Variants in SNRK observed in about 807,000 individuals in gnomAD.
SNRK encodes the protein SNF-related serine/threonine-protein kinase.
Under a neutral mutation model 48.2 loss-of-function variants are expected in SNRK, and 3 were observed. That is an observed-to-expected ratio of 0.06 (90% CI 0.03 to 0.16). The LOEUF (loss-of-function observed/expected upper bound fraction) is 0.16, where lower values mean the gene tolerates loss of function less well. SNRK is among the 10% of genes least tolerant of loss of function. The probability of loss-of-function intolerance (pLI) is 1.00; values close to 1 mark genes in which losing one functional copy is unlikely to be tolerated. For synonymous variants in SNRK, 376 were observed against 366.1 expected, an observed-to-expected ratio of 1.03 and a Z score of -0.31; for missense variants, 627 against 976.0, an observed-to-expected ratio of 0.64 and a Z score of 4.76.
chr3:43,311,581 A>G (rs934547620), intron 3 of SNRK, among the ~76,000 whole-genome samples: 10 of 152,324 alleles, frequency 6.6e-5, no homozygotes, highest in Non-Finnish European at 1.5e-4. Context: ...CTCTCATTGC[A>G]GTCTGTGGAA....
At chr3:43,288,848 A>G (rs890328170) in intron 1 of SNRK, among the ~76,000 whole-genome samples, 3 of 152,246 alleles carry the variant, frequency 2.0e-5, no homozygotes, top group Non-Finnish European at 4.4e-5. Context: ...ATGCTTTAGT[A>G]AGAAAACTGT....
Position 43,347,997 on chromosome 3 carries a change from G to T in SNRK, c.1738G>T (p.Gly580Cys). The T allele has an allele frequency of 2.5e-6, 4 of 1,613,618 alleles. No homozygotes were observed. Among genetic ancestry groups the T allele is most frequent in the Non-Finnish European group, 3.4e-6 (4 of 1,179,798 alleles). ...SEGPPGSEGD[G>C]GGQSKPSNAS... ...GGGGCCCCCTGGCAGTGAGGGGGATGGCGGGGGCCAGAGCAAGCCAAGCAA... is the reference window on the plus strand; with the variant it reads ...GGGGCCCCCTGGCAGTGAGGGGGATTGCGGGGGCCAGAGCAAGCCAAGCAA... Residue 580 changes from glycine to cysteine, a missense_variant, in exon 7 of 7, where the codon GGC becomes TGC. By Grantham distance (159) the Gly-to-Cys change is radical. Around this residue, in one of 4 missense-constraint regions of SNRK, gnomAD observed 98 missense variants for 175.2 expected, o/e 0.56. Transcript: ENST00000296088. The surrounding 1 kb of genome is among the most constrained non-coding windows in gnomAD (Gnocchi z 5.4).
chr3:43,332,118 T>G, intron 3 of SNRK, 51 bp from the exon 4 acceptor site: 1 of 1,327,632 alleles, frequency 7.5e-7, no homozygotes, highest in South Asian at 2.0e-5. Flanking sequence ...CTTTTAATGT[T>G]TTTGGTTTTC....
intron 3 of SNRK, among the ~76,000 whole-genome samples, chr3:43,306,572 ATTTT>A (rs140156056): frequency 0.024 from 3,575 of 151,666 alleles, 145 homozygotes; most frequent in African/African-American, 0.081. Context: ...GAGGTTTCCT[ATTTT>A]TTAATAGCAT....
intron 3 of SNRK, among the ~76,000 whole-genome samples, chr3:43,321,145 AC>A (rs1284078543): frequency 1.3e-5 from 2 of 152,260 alleles, no homozygotes; most frequent in South Asian, 2.1e-4. Context: ...TCTTGGGTTT[AC>A]CATCTAGCTT....
intron 3 of SNRK, among the ~76,000 whole-genome samples, chr3:43,331,036 A>G (rs577607555): frequency 6.6e-6 from 1 of 152,364 alleles, no homozygotes; most frequent in South Asian, 2.1e-4. Context: ...ATCTTGGGAA[A>G]TAACATGGAA....
At chr3:43,309,758 A>G (rs2090965606) in intron 3 of SNRK, among the ~76,000 whole-genome samples, 1 of 152,118 alleles carries the variant, frequency 6.6e-6, no homozygotes, top group Admixed American at 6.6e-5. Flanking sequence ...TTGGGACTAC[A>G]GGCGTGCACC....
intron 3 of SNRK, among the ~76,000 whole-genome samples, chr3:43,317,990 T>A (rs1456248127): frequency 6.6e-6 from 1 of 152,246 alleles, no homozygotes; most frequent in Non-Finnish European, 1.5e-5. Context: ...GATGTCACTG[T>A]CTCAGTGCTG....
In SNRK at chr3:43,335,043, A is replaced by T. The variant is rs2091176170; in HGVS notation, c.731+2733A>T. Among the ~76,000 whole-genome samples the T allele has an allele frequency of 3.3e-5, 5 of 152,066 alleles. No homozygotes were observed. In the South Asian group the frequency reaches 1.0e-3, roughly 32 times the overall value. ...TTATTTTATTAGTCTTTTTCTAAGA[A>T]CTACCTTTTGCTTTTATTAACAATT... On this transcript the variant is annotated intron_variant, in intron 4 of 6. Transcript: ENST00000296088.
intron 3 of SNRK, among the ~76,000 whole-genome samples, chr3:43,324,836 T>A (rs1215661754): frequency 6.6e-6 from 1 of 152,246 alleles, no homozygotes; most frequent in Non-Finnish European, 1.5e-5. Context: ...GCTAATATTT[T>A]GAATTTTGAA....
At chr3:43,340,542 T>A (rs758586710) in intron 5 of SNRK, 43 bp downstream of exon 5, 14 of 1,551,170 alleles carry the variant, frequency 9.0e-6, no homozygotes. Context: ...AGGTTTAGGA[T>A]TCTTGGAATG....
At chr3:43,326,758 G>A in intron 3 of SNRK, among the ~76,000 whole-genome samples, 1 of 151,962 alleles carries the variant, frequency 6.6e-6, no homozygotes, top group South Asian at 2.1e-4. Flanking sequence ...TAAACTTGGG[G>A]GAAAAAAATG....
At chr3:43,343,625 C>T (rs2091254013) in intron 6 of SNRK, 147 bp downstream of exon 6, 2 of 871,286 alleles carry the variant, frequency 2.3e-6, no homozygotes, top group Non-Finnish European at 3.4e-6. Flanking sequence ...CACACGGGCT[C>T]TTCAGGTGTA....
chr3:43,333,252 A>C (rs1235281654), intron 4 of SNRK: 2 of 149,532 alleles, frequency 1.3e-5, no homozygotes, highest in African/African-American at 4.9e-5. Context: ...CCAGCTACTC[A>C]GGAGGCTGAG....
chr3:43,289,226 C>A (rs1423351539), intron 1 of SNRK, among the ~76,000 whole-genome samples: 3 of 152,072 alleles, frequency 2.0e-5, no homozygotes, highest in Non-Finnish European at 4.4e-5. Context: ...GATGGTTAAA[C>A]TGGTCTTGAA....
Position 43,347,592 on chromosome 3 carries a change from G to C in SNRK, c.1333G>C (p.Val445Leu), listed in dbSNP as rs779486608. 6.2e-7 allele frequency: 1 copy of C among 1,614,080 alleles called. No individual in the cohort carries two copies. The highest frequency in any genetic ancestry group is 1.7e-5 in the Admixed American group (1 of 60,014). ...CAGTGGGCGGAAGTGTCTGTTCAGG[G>C]TGGAAGAAGATGAAGAGGAAGATGA... is the stretch of plus-strand genomic sequence containing the variant. ...TASGRKCLFR[V>L]EEDEEEDEED... The change falls in exon 7 of 7, where the codon GTG (valine) becomes CTG (leucine). Residue 445 changes from valine (V) to leucine (L), a missense_variant. Physicochemically the swap from Val to Leu is conservative, Grantham distance 32. This residue lies in a region of SNRK where 175 missense variants were observed against 209.7 expected (regional missense o/e 0.83). Transcript: ENST00000296088. The surrounding 1 kb of genome is among the most constrained non-coding windows in gnomAD (Gnocchi z 5.4).
intron 2 of SNRK, 103 bp downstream of exon 2, chr3:43,299,918 CAG>C (rs886314829): frequency 6.6e-6 from 1 of 152,318 alleles, no homozygotes; most frequent in African/African-American, 2.4e-5. Flanking sequence ...GCAAGATCCT[CAG>C]AGATCAAAAA....
intron 3 of SNRK, among the ~76,000 whole-genome samples, chr3:43,307,009 T>A (rs1411967286): frequency 1.3e-5 from 2 of 152,192 alleles, no homozygotes; most frequent in African/African-American, 4.8e-5. Context: ...GATTAAAATA[T>A]TTGTATACTT....
At position 43,303,105 on chromosome 3, in the gene SNRK, T is replaced by C. The variant is rs1298209240; in HGVS notation, c.-99T>C. On this transcript the variant is annotated 5_prime_UTR_variant, in exon 3 of 7. The change abolishes an upstream ATG in the 5' untranslated region. Coordinates refer to ENST00000296088, the MANE Select transcript of SNRK (RefSeq NM_017719.5). This position sits in a 1 kb window ranked among gnomAD's most constrained non-coding sequence, Gnocchi z 6.2. ...TCTCTTCTTATTTTGTAGATATCCA[T>C]GACGACATTGAAAATGAATTTTTTG... The C allele has an allele frequency of 8.8e-6, 7 of 797,252 alleles. No individual in the cohort carries two copies. Among genetic ancestry groups the C allele is most frequent in the Non-Finnish European group, 1.4e-5 (7 of 518,062 alleles). The allele number at this position is 797,252 out of a possible 1,614,324, so 49.4% of individuals were successfully genotyped here.
Sources: gnomAD v4.1 joint callset for allele counts (sites outside exome capture counted in the v4.1 genomes callset) on GRCh38, gnomAD v4.1.1 for gene constraint, gnomAD v4.1.1 regional missense constraint, Gnocchi (gnomAD v3.1) non-coding constraint, MANE v1.5 for transcripts, NCBI Gene and HGNC (gene_info 2026-07-23, HGNC 2026-07-21) for gene names.